Variants in LDLRAD4 observed in about 807,000 individuals in gnomAD.
LDLRAD4 encodes low-density lipoprotein receptor class A domain-containing protein 4.
In LDLRAD4, 5 loss-of-function variants were observed where a neutral mutation model predicts 17.0. That is an observed-to-expected ratio of 0.29 (90% CI 0.15 to 0.62). LDLRAD4 has a LOEUF of 0.62. Among genes scored for constraint, LDLRAD4 ranks in the 20% least tolerant of loss-of-function variants. The probability of loss-of-function intolerance (pLI) is 0.84; values close to 1 mark genes in which losing one functional copy is unlikely to be tolerated. For synonymous variants in LDLRAD4, 168 were observed against 171.8 expected (o/e 0.98, Z 0.17); for missense variants, 340 against 424.7 (o/e 0.80, Z 1.75).
At chr18:13,254,598 C>T (rs1035105492) in intron 1 of LDLRAD4, among the ~76,000 whole-genome samples, 2 of 152,170 alleles carry the variant, frequency 1.3e-5, no homozygotes, top group East Asian at 1.9e-4. Context: ...CGGAATTGGC[C>T]GAGTCCTTAC....
At chr18:13,361,607 C>T (rs998098178) in intron 1 of LDLRAD4, among the ~76,000 whole-genome samples, 2 of 152,180 alleles carry the variant, frequency 1.3e-5, no homozygotes, top group African/African-American at 4.8e-5. Flanking sequence ...CTAGTTCTTT[C>T]ATTGGCAGGA....
rs1177846592 is a variant in LDLRAD4, at chr18:13,300,231, C to T, written c.-383+22043C>T. Among the ~76,000 whole-genome samples, 8 of 152,196 alleles carry T rather than the reference C, an allele frequency of 5.3e-5. No individual in the cohort carries two copies. The highest frequency in any genetic ancestry group is 1.9e-4 in the African/African-American group (8 of 41,446). On this transcript the variant is annotated intron_variant, in intron 1 of 5. Transcript: ENST00000359446. This position sits in a 1 kb window ranked among gnomAD's most constrained non-coding sequence, Gnocchi z 4.2. The stretch of plus-strand genomic sequence containing the variant: ...TCCTTACAGTTGGAGTCTGTCCAGG[C>T]ACAGCAGAGAGCCAGGCCCGCAGAG...
upstream of LDLRAD4, among the ~76,000 whole-genome samples, chr18:13,273,865 C>T (rs1389424368): frequency 1.3e-5 from 2 of 152,180 alleles, no homozygotes; most frequent in East Asian, 1.9e-4. Flanking sequence ...GAGTTCCACC[C>T]ACTCTGCCTC....
chr18:13,480,352 C>T (rs1299544895), intron 3 of LDLRAD4, among the ~76,000 whole-genome samples: 1 of 152,180 alleles, frequency 6.6e-6, no homozygotes, highest in Admixed American at 6.5e-5. Context: ...AACTGTGTGA[C>T]ATTCTGGAAT....
At chr18:13,635,787 AG>A (rs1303712713) in intron 4 of LDLRAD4, among the ~76,000 whole-genome samples, 1 of 152,260 alleles carries the variant, frequency 6.6e-6, no homozygotes, top group Non-Finnish European at 1.5e-5. Context: ...TTGACCAGCC[AG>A]CCCCTCAGGG....
At chr18:13,418,421 G>A (rs2089135302) in intron 2 of LDLRAD4, among the ~76,000 whole-genome samples, 1 of 152,206 alleles carries the variant, frequency 6.6e-6, no homozygotes, top group African/African-American at 2.4e-5. Flanking sequence ...GCCTCTTCCG[G>A]GTCGTTCTTC....
At chr18:13,369,715 T>C (rs536885979) in intron 1 of LDLRAD4, among the ~76,000 whole-genome samples, 1 of 152,332 alleles carries the variant, frequency 6.6e-6, no homozygotes, top group South Asian at 2.1e-4. Context: ...ATGCTCTGAT[T>C]CCCTCTGAGT....
intron 3 of LDLRAD4, among the ~76,000 whole-genome samples, chr18:13,553,627 CT>C (rs1265465801): frequency 7.9e-5 from 12 of 152,154 alleles, no homozygotes; most frequent in Non-Finnish European, 1.8e-4. Context: ...AGCTGTGGAA[CT>C]TAATTAATCT....
chr18:13,475,048 G>A (rs560611984), intron 3 of LDLRAD4, among the ~76,000 whole-genome samples: 2 of 152,276 alleles, frequency 1.3e-5, no homozygotes, highest in Non-Finnish European at 2.9e-5. Context: ...TGATTGCTGG[G>A]AAGCACCCAA....
At chr18:13,461,037 A>G (rs2092402757) in intron 3 of LDLRAD4, 1 of 152,096 alleles carries the variant, frequency 6.6e-6, no homozygotes, top group Non-Finnish European at 1.5e-5. Context: ...GTCCGCCTTT[A>G]TTGTTGGTGA....
chr18:13,348,951 G>C (rs942084272), intron 1 of LDLRAD4, among the ~76,000 whole-genome samples: 1 of 152,176 alleles, frequency 6.6e-6, no homozygotes, highest in African/African-American at 2.4e-5. Flanking sequence ...AGAGTGACCC[G>C]ATTTTCCAGG....
intron 3 of LDLRAD4, among the ~76,000 whole-genome samples, chr18:13,512,683 A>AT (rs1214532156): frequency 1.3e-5 from 2 of 152,112 alleles, no homozygotes; most frequent in Non-Finnish European, 2.9e-5. Context: ...TTAGAGATTG[A>AT]TTTTTCCAGG....
At chr18:13,271,008 A>G (rs527494817) in intron 1 of LDLRAD4, among the ~76,000 whole-genome samples, 1 of 152,322 alleles carries the variant, frequency 6.6e-6, no homozygotes, top group African/African-American at 2.4e-5. Context: ...GACTACTACT[A>G]TGGGGGATTT....
At chr18:13,246,667 CCT>C (rs1235966846) in intron 1 of LDLRAD4, among the ~76,000 whole-genome samples, 13 of 152,174 alleles carry the variant, frequency 8.5e-5, no homozygotes, top group Admixed American at 6.5e-5. Context: ...CTTAGAATCC[CCT>C]GTTTTGTCAG....
At chr18:13,222,672 G>A (rs952351862) in intron 1 of LDLRAD4, among the ~76,000 whole-genome samples, 2 of 152,224 alleles carry the variant, frequency 1.3e-5, no homozygotes, top group Non-Finnish European at 2.9e-5. Context: ...AATGAAAAGG[G>A]TGTGCCTTGC....
chr18:13,280,684 A>G (rs764556701), intron 1 of LDLRAD4, among the ~76,000 whole-genome samples: 21 of 152,220 alleles, frequency 1.4e-4, no homozygotes, highest in Non-Finnish European at 5.9e-5. Context: ...AGACAATGCA[A>G]CCTCAGACTG....
At chr18:13,219,058 G>T (rs942973320) in intron 1 of LDLRAD4, 70 bp downstream of exon 1, 1 of 143,728 alleles carries the variant, frequency 7.0e-6, no homozygotes, top group Non-Finnish European at 1.5e-5. Flanking sequence ...GAGGGCATTT[G>T]CTTGTTTAAA....
At chr18:13,464,005 C>T (rs1432156838) in intron 3 of LDLRAD4, among the ~76,000 whole-genome samples, 6 of 152,174 alleles carry the variant, frequency 3.9e-5, no homozygotes, top group Non-Finnish European at 5.9e-5. Context: ...GGGAAATAGA[C>T]TTCTTTTCTC....
intron 3 of LDLRAD4, among the ~76,000 whole-genome samples, chr18:13,463,005 A>C (rs2092484920): frequency 6.6e-6 from 1 of 152,184 alleles, no homozygotes; most frequent in African/African-American, 2.4e-5. Flanking sequence ...CAGGGGCAGC[A>C]GCCAGGGATG....
Sources: allele counts gnomAD v4.1 joint callset (sites outside exome capture counted in the v4.1 genomes callset), GRCh38; gene constraint gnomAD v4.1.1; non-coding constraint Gnocchi (gnomAD v3.1); transcripts MANE v1.5; gene names NCBI Gene and HGNC (gene_info 2026-07-23, HGNC 2026-07-21).